NRIP3: variants seen among roughly 807,000 people sequenced by gnomAD.
NRIP3 encodes the protein nuclear receptor-interacting protein 3.
A neutral mutation model predicts 29.0 loss-of-function variants in NRIP3; 31 were observed. That is an observed-to-expected ratio of 1.07 (90% CI 0.80 to 1.44). The LOEUF is 1.44. NRIP3 is among the 40% of genes most tolerant of loss of function. The pLI is 0.00. For synonymous variants in NRIP3, 131 were observed against 118.3 expected, an observed-to-expected ratio of 1.11 and a Z score of -0.70; for missense variants, 314 against 297.9, an observed-to-expected ratio of 1.05 and a Z score of -0.40.
intron 1 of NRIP3, among the ~76,000 whole-genome samples, chr11:8,996,610 A>G (rs1854711379): frequency 6.6e-6 from 1 of 152,164 alleles, no homozygotes; most frequent in Non-Finnish European, 1.5e-5. Context: ...ATATCATTGA[A>G]TTCTTTCTTT....
intron 1 of NRIP3, among the ~76,000 whole-genome samples, chr11:8,991,213 A>T (rs1235414588): frequency 6.6e-6 from 1 of 152,094 alleles, no homozygotes; most frequent in Non-Finnish European, 1.5e-5. Context: ...AGGCAGGAGA[A>T]TGGCATGAAC....
chr11:8,986,125 T>A (rs1854519439), intron 3 of NRIP3, among the ~76,000 whole-genome samples: 1 of 152,202 alleles, frequency 6.6e-6, no homozygotes, highest in Non-Finnish European at 1.5e-5. Flanking sequence ...ATTCAGAGAA[T>A]CCTATTCTGT....
chr11:9,003,187 G>C (rs1854839345), intron 1 of NRIP3, among the ~76,000 whole-genome samples: 1 of 152,126 alleles, frequency 6.6e-6, no homozygotes, highest in Admixed American at 6.5e-5. Context: ...GAGATGTTGG[G>C]GGTTCAGGAA....
At chr11:8,984,217 A>AT (rs1258812965) in intron 4 of NRIP3, 93 bp from the exon 5 acceptor site, 1 of 774,082 alleles carries the variant, frequency 1.3e-6, no homozygotes, top group African/African-American at 1.7e-5. Context: ...CATCCATCCA[A>AT]TAACATCCAA....
chr11:8,995,651 A>C (rs963385571), intron 1 of NRIP3, among the ~76,000 whole-genome samples: 4 of 152,208 alleles, frequency 2.6e-5, no homozygotes, highest in African/African-American at 9.6e-5. Context: ...ACCCTTCTCC[A>C]GTCCATTCTT....
In NRIP3 at chr11:8,983,977, CA is replaced by C; in HGVS notation, c.616-9del. 1 of 1,613,054 alleles carries C rather than the reference CA, an allele frequency of 6.2e-7. No homozygotes were observed. Among genetic ancestry groups the C allele is most frequent in the Non-Finnish European group, 8.5e-7 (1 of 1,178,994 alleles). On this transcript the variant is annotated splice_polypyrimidine_tract_variant and intron_variant, in intron 5 of 6. Coordinates refer to ENST00000309166, the MANE Select transcript of NRIP3 (RefSeq NM_020645.3). ...ATCCAAGTTTATGATGCACTGAAAACAGGTAACTTGTCAGTGATACCACTAT... is the reference window on the plus strand; with the variant it reads ...ATCCAAGTTTATGATGCACTGAAAACGGTAACTTGTCAGTGATACCACTAT...
intron 2 of NRIP3, 146 bp downstream of exon 2, chr11:8,987,972 T>A: frequency 1.4e-6 from 1 of 712,914 alleles, no homozygotes; most frequent in Non-Finnish European, 2.4e-6. Context: ...TACAAAATGT[T>A]GCATACACTT....
At chr11:9,002,912 C>T (rs1854834085) in intron 1 of NRIP3, among the ~76,000 whole-genome samples, 1 of 152,310 alleles carries the variant, frequency 6.6e-6, no homozygotes, top group Non-Finnish European at 1.5e-5. Context: ...ACTACAGTGG[C>T]TGAGGGATGA....
At chr11:9,004,115 TCGCGTCC>T (rs548203402), upstream of NRIP3, 496 of 479,250 alleles carry the variant, frequency 1.0e-3, 2 homozygotes, top group Non-Finnish European at 1.4e-3. Flanking sequence ...CGCGGCTCCC[TCGCGTCC>T]CGCGTCCCGC....
chr11:9,000,097 T>A (rs1178100498), intron 1 of NRIP3, among the ~76,000 whole-genome samples: 10 of 152,200 alleles, frequency 6.6e-5, no homozygotes, highest in African/African-American at 2.4e-4. Flanking sequence ...CAATAAATAT[T>A]TGTATATTAA....
intron 1 of NRIP3, among the ~76,000 whole-genome samples, chr11:8,997,986 C>T (rs1429135192): frequency 6.6e-6 from 1 of 152,196 alleles, no homozygotes; most frequent in African/African-American, 2.4e-5. Flanking sequence ...AGAGCCACAA[C>T]TAGAGCTTAG....
Position 9,003,978 on chromosome 11 carries a change from G to A in NRIP3, c.-43C>T. ...CCCGGTAGCCCACAGCCCCCCGGCA[G>A]CCTCAGCCTCGAGCTCCTCCAGCGC... On this transcript the variant is annotated 5_prime_UTR_variant, in exon 1 of 7. Coordinates refer to ENST00000309166, the MANE Select transcript of NRIP3 (RefSeq NM_020645.3). 2.8e-6 allele frequency: 4 copies of A among 1,445,350 alleles called. No individual in the cohort carries two copies. Among genetic ancestry groups the A allele is most frequent in the Non-Finnish European group, 3.7e-6 (4 of 1,093,738 alleles). The allele number at this position is 1,445,350 out of a possible 1,614,324, so 89.5% of individuals were successfully genotyped here. A position where few individuals can be genotyped will look rare whatever the true frequency, so the allele number is the denominator to read the frequency against.
At chr11:8,989,114 T>C (rs1027131220) in intron 1 of NRIP3, among the ~76,000 whole-genome samples, 5 of 152,144 alleles carry the variant, frequency 3.3e-5, no homozygotes. Flanking sequence ...TGCCTAATGT[T>C]AAGAAGCAGA....
chr11:8,986,767 C>T (rs181287406), intron 3 of NRIP3, among the ~76,000 whole-genome samples: 2 of 152,328 alleles, frequency 1.3e-5, no homozygotes, highest in Non-Finnish European at 2.9e-5. Flanking sequence ...GCCTGTAATG[C>T]TAGCACTTTG....
intron 3 of NRIP3, 107 bp from the exon 4 acceptor site, chr11:8,985,957 G>T: frequency 7.5e-7 from 1 of 1,339,802 alleles, no homozygotes; most frequent in Non-Finnish European, 1.0e-6. Flanking sequence ...GGATCTCCTG[G>T]GATTAATCTA....
intron 1 of NRIP3, among the ~76,000 whole-genome samples, 183 bp downstream of exon 1, chr11:9,003,579 C>G (rs940789964): frequency 6.6e-6 from 1 of 152,180 alleles, no homozygotes; most frequent in Admixed American, 6.5e-5. Context: ...AAAGCTACGA[C>G]GGAATCCCCA....
intron 1 of NRIP3, among the ~76,000 whole-genome samples, chr11:8,996,535 C>A (rs2134925105): frequency 6.6e-6 from 1 of 152,222 alleles, no homozygotes; most frequent in South Asian, 2.1e-4. Flanking sequence ...CTTGCCTTGG[C>A]CTCCCAAAGT....
At position 8,983,073 on chromosome 11, in the gene NRIP3, A is replaced by G. The variant is rs1854448288; in HGVS notation, c.*472T>C. ...CACATAATCCATACTTGAGAAATCA[A>G]TGAATCAATTTGAAGAAACTCTAAT... On this transcript the variant is annotated 3_prime_UTR_variant, in exon 7 of 7. Coordinates refer to ENST00000309166, the MANE Select transcript of NRIP3 (RefSeq NM_020645.3). The G allele has an allele frequency of 2.2e-6, 1 of 446,190 alleles. No homozygotes were observed. Among genetic ancestry groups the G allele is most frequent in the Non-Finnish European group, 4.5e-6 (1 of 224,314 alleles). The allele number at this position is 446,190 out of a possible 1,614,324, so 27.6% of individuals were successfully genotyped here. A position where few individuals can be genotyped will look rare whatever the true frequency, so the allele number is the denominator to read the frequency against.
At chr11:8,985,459 G>A (rs551703889) in intron 4 of NRIP3, among the ~76,000 whole-genome samples, 3 of 146,262 alleles carry the variant, frequency 2.1e-5, no homozygotes, top group South Asian at 2.4e-4. Context: ...ATGACCCACC[G>A]CACCCGGCCG....
Sources: allele counts gnomAD v4.1 joint callset (sites outside exome capture counted in the v4.1 genomes callset), GRCh38; gene constraint gnomAD v4.1.1; transcripts MANE v1.5; gene names NCBI Gene and HGNC (gene_info 2026-07-23, HGNC 2026-07-21).